Variants in PPIL2 observed in about 807,000 individuals in gnomAD.
The protein encoded by PPIL2 is RING-type E3 ubiquitin-protein ligase PPIL2.
In PPIL2, 50 loss-of-function variants were observed where a neutral mutation model predicts 75.2. The observed-to-expected ratio is 0.66, with a 90% confidence interval of 0.53 to 0.84. The LOEUF (loss-of-function observed/expected upper bound fraction) is 0.84, where lower values mean the gene tolerates loss of function less well. PPIL2 is among the 40% of genes least tolerant of loss of function. The pLI is 0.00. For missense variants in PPIL2, 590 were observed against 685.0 expected (o/e 0.86, Z 1.55); for synonymous variants, 245 against 258.8 (o/e 0.95, Z 0.51).
intron 10 of PPIL2, among the ~76,000 whole-genome samples, 176 bp downstream of exon 10, chr22:21,685,089 G>A (rs1317252788): frequency 6.6e-6 from 1 of 152,246 alleles, no homozygotes; most frequent in Non-Finnish European, 1.5e-5. Context: ...CAGCCCTGGG[G>A]CTGCCCTGAG....
intron 9 of PPIL2, among the ~76,000 whole-genome samples, chr22:21,683,682 A>G (rs1347488698): frequency 6.6e-6 from 1 of 152,124 alleles, no homozygotes; most frequent in Non-Finnish European, 1.5e-5. Flanking sequence ...AGGTAGGCTG[A>G]GCACGTGAAC....
intron 5 of PPIL2, 124 bp downstream of exon 5, chr22:21,672,505 G>A: frequency 1.0e-6 from 1 of 965,068 alleles, no homozygotes; most frequent in Non-Finnish European, 1.6e-6. Context: ...GCCCAGTGAG[G>A]AGGGACAGTC....
chr22:21,686,659 C>T, intron 11 of PPIL2, 101 bp downstream of exon 11: 2 of 1,237,352 alleles, frequency 1.6e-6, no homozygotes, highest in Non-Finnish European at 2.3e-6. Flanking sequence ...TCAGGGGCTC[C>T]CACTGTCACC....
At chr22:21,692,234 C>A (rs563095727) in intron 15 of PPIL2, among the ~76,000 whole-genome samples, 2 of 151,968 alleles carry the variant, frequency 1.3e-5, no homozygotes, top group South Asian at 4.2e-4. Flanking sequence ...CGGCTCACTG[C>A]AAGCTCCGCC....
intron 6 of PPIL2, among the ~76,000 whole-genome samples, chr22:21,675,999 T>C (rs1422228507): frequency 6.6e-6 from 1 of 152,200 alleles, no homozygotes; most frequent in Non-Finnish European, 1.5e-5. Context: ...CTTTTGCCTG[T>C]GGAGATGCTA....
intron 2 of PPIL2, 181 bp downstream of exon 2, chr22:21,670,143 A>C (rs1231461160): frequency 1.2e-6 from 1 of 868,940 alleles, no homozygotes; most frequent in East Asian, 2.7e-5. Flanking sequence ...GCTTCATCTT[A>C]GTGGTGATTT....
chr22:21,684,477 A>C (rs1015576713), intron 9 of PPIL2, among the ~76,000 whole-genome samples: 4 of 144,250 alleles, frequency 2.8e-5, no homozygotes, highest in African/African-American at 5.3e-5. Flanking sequence ...AAAAAAAAAG[A>C]AAAAAAAAGC....
chr22:21,675,872 G>A (rs1358005513), intron 6 of PPIL2, among the ~76,000 whole-genome samples: 1 of 152,208 alleles, frequency 6.6e-6, no homozygotes, highest in Non-Finnish European at 1.5e-5. Flanking sequence ...CCAGTGCTGC[G>A]GCTCCTGCTT....
Position 21,696,442 on chromosome 22 carries a change from C to T in PPIL2, c.*952C>T, listed in dbSNP as rs939808774. On this transcript the variant is annotated 3_prime_UTR_variant, in exon 20 of 20. Coordinates refer to ENST00000398831, the MANE Select transcript of PPIL2 (RefSeq NM_014337.4). The stretch of plus-strand genomic sequence containing the variant: ...CCGGCCACTGGGCTCCAAGACTCTG[C>T]TCCTCCTGTCAGTCACTGACTCTGA... The T allele has an allele frequency of 3.4e-5, 40 of 1,193,662 alleles. No homozygotes were observed. The highest frequency in any genetic ancestry group is 4.0e-5 in the Non-Finnish European group (38 of 949,966). The allele number at this position is 1,193,662 out of a possible 1,614,324, so 73.9% of individuals were successfully genotyped here. A position where few individuals can be genotyped will look rare whatever the true frequency, so the allele number is the denominator to read the frequency against.
chr22:21,692,407 G>A (rs1361089620), intron 15 of PPIL2, among the ~76,000 whole-genome samples: 1 of 151,684 alleles, frequency 6.6e-6, no homozygotes, highest in Non-Finnish European at 1.5e-5. Context: ...GCCCACCTTG[G>A]CCTCCCAAAG....
rs541180111 is a variant in PPIL2 at position 21,676,114 on chromosome 22, G to A, written c.295+999G>A. ...CCCCGCTTGTCTGAGCCCAGAGCCCGGTCCCCAGTCGGTGCAGCATTCGCA... is the reference window on the plus strand; with the variant it reads ...CCCCGCTTGTCTGAGCCCAGAGCCCAGTCCCCAGTCGGTGCAGCATTCGCA... On this transcript the variant is annotated intron_variant, in intron 6 of 19. Transcript: ENST00000398831. Among the ~76,000 whole-genome samples the A allele has an allele frequency of 9.2e-5, 14 of 152,268 alleles. No individual in the cohort carries two copies. In the South Asian group the frequency reaches 2.5e-3, roughly 27 times the overall value.
intron 5 of PPIL2, among the ~76,000 whole-genome samples, chr22:21,672,648 T>C (rs2148506497): frequency 6.6e-6 from 1 of 152,348 alleles, no homozygotes; most frequent in African/African-American, 2.4e-5. Flanking sequence ...AAAGACCCTA[T>C]ATAAACCTTT....
intron 15 of PPIL2, among the ~76,000 whole-genome samples, chr22:21,692,380 T>G (rs541735369): frequency 3.0e-4 from 45 of 151,478 alleles, no homozygotes; most frequent in South Asian, 2.7e-3. Flanking sequence ...GGTCTCGATC[T>G]CCTGACCTTG....
rs1022129133 is a variant in PPIL2 at position 21,695,469 on chromosome 22, T to G, written c.1542T>G (p.Phe514Leu). The change falls in exon 20 of 20, where the codon TTT (phenylalanine) becomes TTG (leucine). Residue 514 changes from phenylalanine (F) to leucine (L), a missense_variant. Physicochemically the swap from Phe to Leu is conservative, Grantham distance 22. Coordinates refer to ENST00000398831, the MANE Select transcript of PPIL2 (RefSeq NM_014337.4). ...PMSKKKPSRG[F>L]GDFSSW ...CCAAGAAGAAGCCCAGTCGGGGTTT[T>G]GGGGACTTCAGCTCCTGGTAGCAGC... is the stretch of plus-strand genomic sequence containing the variant. The G allele has an allele frequency of 1.4e-5, 22 of 1,603,874 alleles. No individual in the cohort carries two copies. Among genetic ancestry groups the G allele is most frequent in the Non-Finnish European group, 1.7e-5 (20 of 1,174,982 alleles).
At chr22:21,686,668 C>T in intron 11 of PPIL2, 110 bp downstream of exon 11, 1 of 1,184,906 alleles carries the variant, frequency 8.4e-7, no homozygotes, top group Non-Finnish European at 1.2e-6. Flanking sequence ...CCCACTGTCA[C>T]CTGAGCCCCT....
chr22:21,669,877 G>A lies in PPIL2; in HGVS notation c.33-36G>A, dbSNP rs748576662. 2.7e-5 allele frequency: 42 copies of A among 1,580,254 alleles called. 1 individual carries two copies. The South Asian group carries it at 3.8e-4, about 14-fold the overall frequency. On this transcript the variant is annotated intron_variant, in intron 1 of 19. Transcript: ENST00000398831. ...CAAAGACTTCGTCCTCTTTATAAAG[G>A]TGGTGGTGGTAGCATTATCTTCCTC...
intron 6 of PPIL2, among the ~76,000 whole-genome samples, chr22:21,675,340 A>G (rs1054615027): frequency 6.6e-6 from 1 of 152,220 alleles, no homozygotes; most frequent in Non-Finnish European, 1.5e-5. Context: ...GATTGAGACC[A>G]TCCTGGCCAA....
intron 9 of PPIL2, 47 bp downstream of exon 9, chr22:21,683,304 A>T: frequency 6.6e-7 from 1 of 1,518,702 alleles, no homozygotes. Context: ...TTTTGGATGA[A>T]ATTGGGACAG....
At chr22:21,671,123 G>A in intron 4 of PPIL2, 64 bp downstream of exon 4, 1 of 1,470,930 alleles carries the variant, frequency 6.8e-7, no homozygotes, top group Non-Finnish European at 9.5e-7. Context: ...TAAGGAAGGG[G>A]ACCCTTGGTA....
Sources: allele counts gnomAD v4.1 joint callset (sites outside exome capture counted in the v4.1 genomes callset), GRCh38; gene constraint gnomAD v4.1.1; transcripts MANE v1.5; gene names NCBI Gene and HGNC (gene_info 2026-07-23, HGNC 2026-07-21).